Variants in ARHGEF10L observed in about 807,000 individuals in gnomAD.
The protein encoded by ARHGEF10L is rho guanine nucleotide exchange factor 10-like protein.
In ARHGEF10L, 69 loss-of-function variants were observed where a neutral mutation model predicts 141.2. The ratio of observed to expected loss-of-function variants is 0.49; its 90% confidence interval spans 0.40 to 0.60. ARHGEF10L has a LOEUF of 0.60. Ranked by LOEUF, ARHGEF10L falls within the 20% of genes least tolerant of loss-of-function variation. The pLI, the probability that ARHGEF10L is intolerant of heterozygous loss-of-function variation, is 0.00. For synonymous variants in ARHGEF10L, 711 were observed against 718.5 expected (o/e 0.99, Z 0.17); for missense variants, 1,482 against 1,734.3 (o/e 0.85, Z 2.58).
rs59088704 is a variant in ARHGEF10L at position 17,583,202 on chromosome 1, T to TAAA, written c.37+2589_37+2591dup. On this transcript the variant is annotated intron_variant, in intron 2 of 28. Coordinates refer to ENST00000361221, the MANE Select transcript of ARHGEF10L (RefSeq NM_018125.4). ...CCTGGGTGACAGAGTGAGCTTCATT[T>TAAA]AAAAAAAAAAAAAAAAAAAAAGAAG... Among the ~76,000 whole-genome samples the TAAA allele has an allele frequency of 1.2e-3, 132 of 111,760 alleles. 3 individuals carry two copies. Among genetic ancestry groups the TAAA allele is most frequent in the Admixed American group, 5.8e-3 (60 of 10,292 alleles). 73.3% of individuals were successfully genotyped at this position (111,760 alleles called of 152,430 possible).
At chr1:17,534,591 A>ATT in the ARHGEF10L span, among the ~76,000 whole-genome samples, 1,420 of 125,060 alleles carry the variant, frequency 0.011, 26 homozygotes, top group African/African-American at 0.038. Flanking sequence ...CCATTTTCTG[A>ATT]TTTTTTTTTT....
At chr1:17,556,224 C>G (rs1471933986) in intron 1 of ARHGEF10L, among the ~76,000 whole-genome samples, 27 of 114,970 alleles carry the variant, frequency 2.3e-4, no homozygotes, top group Non-Finnish European at 4.6e-4. Context: ...AGGCTGGGAG[C>G]ACGGAGGTGA....
chr1:17,629,219 G>A (rs1240516113), intron 15 of ARHGEF10L, among the ~76,000 whole-genome samples: 7 of 150,660 alleles, frequency 4.6e-5, no homozygotes, highest in Non-Finnish European at 8.9e-5. Flanking sequence ...TAGAGATGGG[G>A]TCTCACTATG....
intron 26 of ARHGEF10L, among the ~76,000 whole-genome samples, chr1:17,680,232 T>C (rs1201352813): frequency 6.6e-6 from 1 of 152,144 alleles, no homozygotes; most frequent in African/African-American, 2.4e-5. Flanking sequence ...ACCTGTAAAG[T>C]AGAAGCCCCA....
intron 4 of ARHGEF10L, among the ~76,000 whole-genome samples, chr1:17,596,818 G>A (rs1034734916): frequency 3.0e-4 from 45 of 152,212 alleles, no homozygotes; most frequent in Admixed American, 9.2e-4. Context: ...AGGCGGATCC[G>A]AGGCAGGTGG....
chr1:17,680,921 T>A (rs552529921), intron 26 of ARHGEF10L, among the ~76,000 whole-genome samples: 1 of 152,032 alleles, frequency 6.6e-6, no homozygotes, highest in East Asian at 1.9e-4. Flanking sequence ...GTAGCTGGGA[T>A]TACAAGTGCC....
chr1:17,618,491 C>G (rs2059930730), intron 9 of ARHGEF10L: 1 of 1,194,664 alleles, frequency 8.4e-7, no homozygotes, highest in African/African-American at 1.6e-5. Flanking sequence ...TCCGCTGTCC[C>G]TCCTCCTCCT....
intron 1 of ARHGEF10L, among the ~76,000 whole-genome samples, chr1:17,542,071 G>A (rs549579640): frequency 6.6e-6 from 1 of 152,064 alleles, no homozygotes; most frequent in East Asian, 1.9e-4. Context: ...CCCGGGAGGC[G>A]GAGGTTACAG....
chr1:17,638,436 T>A, intron 19 of ARHGEF10L, 126 bp from the exon 20 acceptor site: 1 of 1,394,034 alleles, frequency 7.2e-7, no homozygotes, highest in Non-Finnish European at 9.8e-7. Flanking sequence ...ATGTGCAGCC[T>A]CAGTGAGGCT....
In ARHGEF10L at chr1:17,654,206, C is replaced by A. The variant is rs949431216; in HGVS notation, c.2395-430C>A. On this transcript the variant is annotated intron_variant, in intron 22 of 28. Transcript: ENST00000361221. This position sits in a 1 kb window ranked among gnomAD's most constrained non-coding sequence, Gnocchi z 4.3. ...GGCGGAAGGTGGTTACTGGTGACAG[C>A]GGTGACAGGCTGAGCCCTGGTTTCT... Among the ~76,000 whole-genome samples, 3 of 152,164 alleles carry A rather than the reference C, an allele frequency of 2.0e-5. No individual in the cohort carries two copies. Among genetic ancestry groups the A allele is most frequent in the Non-Finnish European group, 4.4e-5 (3 of 68,044 alleles).
chr1:17,640,478 T>C (rs1462561462), intron 21 of ARHGEF10L, among the ~76,000 whole-genome samples, 176 bp downstream of exon 21: 2 of 152,028 alleles, frequency 1.3e-5, no homozygotes. Flanking sequence ...AGGCTCTGCT[T>C]TGTGACCCTG....
intron 15 of ARHGEF10L, 102 bp from the exon 16 acceptor site, chr1:17,632,219 C>T: frequency 1.5e-5 from 22 of 1,470,702 alleles, no homozygotes; most frequent in Non-Finnish European, 2.1e-5. Context: ...CCTCTCCCAG[C>T]CTCAGTCTCC....
At chr1:17,565,256 C>G (rs558427807) in intron 1 of ARHGEF10L, among the ~76,000 whole-genome samples, 9 of 152,328 alleles carry the variant, frequency 5.9e-5, no homozygotes, top group African/African-American at 1.7e-4. Flanking sequence ...GCCCCACTGC[C>G]TAATCCATCA....
At chr1:17,580,417 T>TG in intron 1 of ARHGEF10L, 136 bp from the exon 2 acceptor site, 1 of 686,800 alleles carries the variant, frequency 1.5e-6, no homozygotes, top group South Asian at 1.7e-5. Context: ...GGCTGGAGGC[T>TG]GGGGCCTTTC....
At chr1:17,614,556 TG>T (rs771167422) in intron 8 of ARHGEF10L, among the ~76,000 whole-genome samples, 43 of 152,320 alleles carry the variant, frequency 2.8e-4, no homozygotes, top group Non-Finnish European at 4.7e-4. Flanking sequence ...GGACAGGAAC[TG>T]GATTCTGGAA....
intron 3 of ARHGEF10L, among the ~76,000 whole-genome samples, chr1:17,588,221 G>C (rs1238403337): frequency 6.8e-6 from 1 of 146,518 alleles, no homozygotes; most frequent in Non-Finnish European, 1.5e-5. Context: ...GTTCTGGCTG[G>C]AGTTGGGAAG....
Position 17,627,599 on chromosome 1 carries a change from G to A in ARHGEF10L, c.1584+96G>A. The A allele has an allele frequency of 7.0e-7, 1 of 1,432,476 alleles. No individual in the cohort carries two copies. Among genetic ancestry groups the A allele is most frequent in the Non-Finnish European group, 9.4e-7 (1 of 1,060,122 alleles). 88.7% of individuals were successfully genotyped at this position (1,432,476 alleles called of 1,614,324 possible). On this transcript the variant is annotated intron_variant, in intron 15 of 28. Transcript: ENST00000361221. This position sits in a 1 kb window ranked among gnomAD's most constrained non-coding sequence, Gnocchi z 4.0. ...CCCACGCCACCCACACTAGGTGGCAGTGTTCTCTGAGGGAGGGGAGGCCTT... is the reference window on the plus strand; with the variant it reads ...CCCACGCCACCCACACTAGGTGGCAATGTTCTCTGAGGGAGGGGAGGCCTT...
At chr1:17,645,229 G>T (rs752314836) in intron 21 of ARHGEF10L, among the ~76,000 whole-genome samples, 59 of 152,138 alleles carry the variant, frequency 3.9e-4, no homozygotes, top group Non-Finnish European at 2.4e-4. Context: ...AATTTTCAGC[G>T]ACAGCAGTCT....
chr1:17,655,184 C>T (rs1481725336), intron 23 of ARHGEF10L, among the ~76,000 whole-genome samples: 3 of 152,178 alleles, frequency 2.0e-5, no homozygotes, highest in African/African-American at 7.2e-5. Context: ...GTCATTGCTG[C>T]TTCCCTTCTG....
Sources: allele counts gnomAD v4.1 joint callset (sites outside exome capture counted in the v4.1 genomes callset), GRCh38; gene constraint gnomAD v4.1.1; non-coding constraint Gnocchi (gnomAD v3.1); transcripts MANE v1.5; gene names NCBI Gene and HGNC (gene_info 2026-07-23, HGNC 2026-07-21).